The following WARS2 variants were observed in gnomAD, a reference collection of about 807,000 sequenced individuals.
The protein encoded by WARS2 is tryptophanyl tRNA synthetase 2, mitochondrial.
In WARS2, 28 loss-of-function variants were observed where a neutral mutation model predicts 36.5. The ratio of observed to expected loss-of-function variants is 0.77; its 90% CI spans 0.57 to 1.05. The LOEUF (loss-of-function observed/expected upper bound fraction) is 1.05, where lower values mean the gene tolerates loss of function less well. Ranked by LOEUF, WARS2 falls within the 50% of genes least tolerant of loss-of-function variation. The pLI, the probability that WARS2 is intolerant of heterozygous loss-of-function variation, is 0.00. For synonymous variants in WARS2, 174 were observed against 178.4 expected, an observed-to-expected ratio of 0.98 and a Z score of 0.20; for missense variants, 435 against 456.8, an observed-to-expected ratio of 0.95 and a Z score of 0.44.
intron 2 of WARS2, chr1:119,064,290 T>C (rs1035204763): frequency 6.6e-5 from 10 of 152,224 alleles, no homozygotes; most frequent in African/African-American, 2.2e-4. Flanking sequence ...GTACCTCCAT[T>C]GTATCTGGGA....
At chr1:119,093,010 A>G (rs1653150928) in intron 1 of WARS2, among the ~76,000 whole-genome samples, 1 of 152,188 alleles carries the variant, frequency 6.6e-6, no homozygotes, top group South Asian at 2.1e-4. Context: ...TTTAAAAGTA[A>G]TGAATCTCCA....
chr1:119,101,624 G>T (rs1036647827), intron 1 of WARS2, among the ~76,000 whole-genome samples: 5 of 151,922 alleles, frequency 3.3e-5, no homozygotes, highest in African/African-American at 4.8e-5. Context: ...TGCAATCTTG[G>T]TGTTCACTTA....
At chr1:119,085,095 C>T in intron 1 of WARS2, 2 of 772,254 alleles carry the variant, frequency 2.6e-6, no homozygotes, top group Admixed American at 1.7e-5. Context: ...CCTACCTCTA[C>T]TTCTATGACT....
In WARS2 at chr1:119,045,565, A is replaced by G. The variant is rs1379675723; in HGVS notation, c.429+17T>C. On this transcript the variant is annotated intron_variant, in intron 3 of 5. Coordinates refer to ENST00000235521, the MANE Select transcript of WARS2 (RefSeq NM_015836.4). ...ATAGCTTCTTGTCTGTTTATTAATC[A>G]GATTACTGGCATTTACCTTCCACTG... The G allele has an allele frequency of 1.9e-6, 3 of 1,576,724 alleles. No individual in the cohort carries two copies. Among genetic ancestry groups the G allele is most frequent in the Non-Finnish European group, 2.6e-6 (3 of 1,155,304 alleles).
chr1:119,128,996 G>A (rs1357293147), intron 1 of WARS2, among the ~76,000 whole-genome samples: 6 of 152,180 alleles, frequency 3.9e-5, no homozygotes, highest in Non-Finnish European at 8.8e-5. Context: ...AATGGTGCAG[G>A]AGATGTCATG....
At chr1:119,061,688 G>A (rs1650394415) in intron 2 of WARS2, among the ~76,000 whole-genome samples, 1 of 151,912 alleles carries the variant, frequency 6.6e-6, no homozygotes, top group East Asian at 1.9e-4. Context: ...TACAGAAATG[G>A]TAGTAGAGAA....
chr1:119,044,704 G>A (rs1055535365), intron 3 of WARS2, among the ~76,000 whole-genome samples: 2 of 152,142 alleles, frequency 1.3e-5, no homozygotes, highest in Non-Finnish European at 2.9e-5. Flanking sequence ...ATGCTGTCAG[G>A]AGCAAGCGGT....
chr1:119,089,561 C>T lies in WARS2; in HGVS notation c.91-12954G>A, dbSNP rs115340250. 3.4e-3 allele frequency among the ~76,000 whole-genome samples: 512 copies of T among 152,198 alleles called. 3 individuals are homozygous for T. Among genetic ancestry groups the T allele is most frequent in the Middle Eastern group, 0.017 (5 of 292 alleles). On this transcript the variant is annotated intron_variant, in intron 1 of 5. Coordinates refer to ENST00000235521, the MANE Select transcript of WARS2 (RefSeq NM_015836.4). ...ATAGTACCTATCTCAGAGGGTGGTT[C>T]GGAGGACTGTGACAAGTTTATTAGT... is the stretch of plus-strand genomic sequence containing the variant.
At position 119,032,935 on chromosome 1, in the gene WARS2, C is replaced by T. The variant is rs2101093230; in HGVS notation, c.1059G>A (p.Val353=). Residue 353 remains valine, a synonymous_variant, in exon 6 of 6, where the codon GTG becomes GTA. Transcript: ENST00000235521. ...KELAYTVCQE[V]KKLVGFL Reference sequence around the variant, plus strand: ...CCTATAGAAAACCCACCAATTTCTTCACCTCCTGGCACACAGTGTATGCTA... The same window carrying T: ...CCTATAGAAAACCCACCAATTTCTTTACCTCCTGGCACACAGTGTATGCTA... 6.2e-7 allele frequency: 1 copy of T among 1,611,530 alleles called. No homozygotes were observed. Among genetic ancestry groups the T allele is most frequent in the Non-Finnish European group, 8.5e-7 (1 of 1,178,066 alleles).
chr1:119,129,467 G>A (rs587619280), intron 1 of WARS2, among the ~76,000 whole-genome samples: 13 of 152,260 alleles, frequency 8.5e-5, no homozygotes, highest in African/African-American at 3.1e-4. Context: ...TCAACACTTT[G>A]GGAGGCTGAG....
intron 1 of WARS2, chr1:119,085,531 A>AG: frequency 6.2e-7 from 1 of 1,606,374 alleles, no homozygotes; most frequent in South Asian, 1.1e-5. Context: ...AAACTTGGTG[A>AG]GGGGGTACGA....
At chr1:119,123,541 G>A (rs1006229459) in intron 1 of WARS2, among the ~76,000 whole-genome samples, 1 of 151,812 alleles carries the variant, frequency 6.6e-6, no homozygotes, top group African/African-American at 2.4e-5. Context: ...TAAGATATGT[G>A]TGTGTCAGGG....
chr1:119,076,635 G>A, intron 1 of WARS2, 28 bp from the exon 2 acceptor site: 2 of 1,611,990 alleles, frequency 1.2e-6, no homozygotes. Flanking sequence ...AAGCATATTT[G>A]CTTTTGAGGC....
chr1:119,118,996 T>C (rs1298784909), intron 1 of WARS2, among the ~76,000 whole-genome samples: 2 of 152,116 alleles, frequency 1.3e-5, no homozygotes, highest in Non-Finnish European at 1.5e-5. Context: ...ACATGGCCTA[T>C]AAAAAAGTAA....
chr1:119,120,147 T>G (rs1036832460), intron 1 of WARS2, among the ~76,000 whole-genome samples: 3 of 151,528 alleles, frequency 2.0e-5, no homozygotes, highest in African/African-American at 7.3e-5. Context: ...ATAAACAAAA[T>G]CGATACACAT....
At chr1:119,112,931 A>T (rs1284008192) in intron 1 of WARS2, among the ~76,000 whole-genome samples, 1 of 152,128 alleles carries the variant, frequency 6.6e-6, no homozygotes, top group East Asian at 1.9e-4. Context: ...AGGGATTGAG[A>T]GTATTTGTAA....
chr1:119,092,847 T>C (rs1177476855), intron 1 of WARS2, among the ~76,000 whole-genome samples: 1 of 152,234 alleles, frequency 6.6e-6, no homozygotes, highest in Non-Finnish European at 1.5e-5. Context: ...CTTCATCATC[T>C]AATCAATTAC....
chr1:119,135,896 GAC>G (rs1656471984), intron 1 of WARS2, among the ~76,000 whole-genome samples: 1 of 144,494 alleles, frequency 6.9e-6, no homozygotes, highest in Admixed American at 7.7e-5. Flanking sequence ...TCAGTCTCCT[GAC>G]TAGCTGGGAC....
chr1:119,038,939 C>T (rs1333005879), intron 4 of WARS2, among the ~76,000 whole-genome samples: 2 of 152,222 alleles, frequency 1.3e-5, no homozygotes, highest in Non-Finnish European at 2.9e-5. Flanking sequence ...GCCTCGGCCT[C>T]CCAAAGTGCT....
Sources: gnomAD v4.1 joint callset for allele counts (sites outside exome capture counted in the v4.1 genomes callset) on GRCh38, gnomAD v4.1.1 for gene constraint, MANE v1.5 for transcripts, NCBI Gene and HGNC (gene_info 2026-07-23, HGNC 2026-07-21) for gene names.